DNAH11: variants seen among roughly 807,000 people sequenced by gnomAD.
DNAH11 encodes the protein dynein axonemal heavy chain 11.
DNAH11 carries 442 observed loss-of-function variants against 526.0 expected under a neutral mutation model. That is an observed-to-expected ratio of 0.84 (90% confidence interval 0.78 to 0.91). The LOEUF (loss-of-function observed/expected upper bound fraction) is 0.91, where lower values mean the gene tolerates loss of function less well. Ranked by LOEUF, DNAH11 falls within the 40% of genes least tolerant of loss-of-function variation. The pLI is 0.00. For synonymous variants in DNAH11, 2,461 were observed against 1,935.9 expected (o/e 1.27, Z -7.12); for missense variants, 6,989 against 5,448.7 (o/e 1.28, Z -8.90).
intron 66 of DNAH11, among the ~76,000 whole-genome samples, chr7:21,847,659 G>C (rs994868198): frequency 6.6e-6 from 1 of 152,180 alleles, no homozygotes; most frequent in African/African-American, 2.4e-5. Context: ...GGATGAAGTA[G>C]TCTGTCAGTG....
rs1263048533 is a variant in DNAH11 at position 21,658,959 on chromosome 7, A to G, written c.5256A>G (p.Thr1752=). The part of the protein sequence containing the change: ...ALTSSQIWWT[T]DVGIAFSRLE... ...CCAGCTCACAAATATGGTGGACCAC[A>G]GATGTAGGAATAGCCTTCAGTAGAC... The change falls in exon 30 of 82, where the codon ACA becomes ACG. Residue 1752 remains threonine (T), a synonymous_variant. Coordinates refer to ENST00000409508, the MANE Select transcript of DNAH11 (RefSeq NM_001277115.2). The G allele has an allele frequency of 6.2e-7, 1 of 1,610,870 alleles. No homozygotes were observed. The highest frequency in any genetic ancestry group is 8.5e-7 in the Non-Finnish European group (1 of 1,178,686).
Position 21,901,452 on chromosome 7 carries a change from G to GTAATCCCAGTTAC in DNAH11, c.*200_*212dup, listed in dbSNP as rs1230674314. 1 of 628,294 alleles carries GTAATCCCAGTTAC rather than the reference G, an allele frequency of 1.6e-6. No homozygotes were observed. Among genetic ancestry groups the GTAATCCCAGTTAC allele is most frequent in the Non-Finnish European group, 2.3e-6 (1 of 438,592 alleles). 38.9% of individuals were successfully genotyped at this position (628,294 alleles called of 1,614,324 possible). A position where few individuals can be genotyped will look rare whatever the true frequency, so the allele number is the denominator to read the frequency against. The stretch of plus-strand genomic sequence containing the variant: ...GGGCTGAGCGTGGTGGCACACGACT[G>GTAATCCCAGTTAC]TAATCCCAGTTACTCAGGAGGTAGG... On this transcript the variant is annotated 3_prime_UTR_variant, in exon 82 of 82. Transcript: ENST00000409508.
chr7:21,820,274 T>A (rs925816879), intron 65 of DNAH11, among the ~76,000 whole-genome samples: 19 of 152,180 alleles, frequency 1.2e-4, no homozygotes, highest in African/African-American at 4.6e-4. Flanking sequence ...TTGAGGAAGC[T>A]ACACTTCCAT....
chr7:21,585,920 C>CA (rs1784466258), intron 9 of DNAH11, among the ~76,000 whole-genome samples: 1 of 152,080 alleles, frequency 6.6e-6, no homozygotes, highest in Non-Finnish European at 1.5e-5. Flanking sequence ...GTCTTGAAGT[C>CA]AATGTGAAAG....
intron 56 of DNAH11, among the ~76,000 whole-genome samples, chr7:21,777,068 C>A (rs1787704473): frequency 6.6e-6 from 1 of 152,032 alleles, no homozygotes; most frequent in Non-Finnish European, 1.5e-5. Context: ...CATTTTATAA[C>A]CACACCTACG....
rs548912257 is a variant in DNAH11, at chr7:21,656,084, G to T, written c.5094+103G>T. Reference sequence around the variant, plus strand: ...AAAAATTCAACCCAGGTCAAATCAGGCTCTGCTTAGTTTTGTGCTCGGAGG... The same window carrying T: ...AAAAATTCAACCCAGGTCAAATCAGTCTCTGCTTAGTTTTGTGCTCGGAGG... On this transcript the variant is annotated intron_variant, in intron 29 of 81. Transcript: ENST00000409508. The T allele has an allele frequency of 1.1e-5, 15 of 1,330,492 alleles. No homozygotes were observed. In the African/African-American group the frequency reaches 1.5e-4, roughly 13 times the overall value. 82.4% of individuals were successfully genotyped at this position (1,330,492 alleles called of 1,614,324 possible). A position where few individuals can be genotyped will look rare whatever the true frequency, so the allele number is the denominator to read the frequency against.
chr7:21,684,426 C>G (rs905137308), intron 32 of DNAH11, among the ~76,000 whole-genome samples: 10 of 152,142 alleles, frequency 6.6e-5, no homozygotes, highest in African/African-American at 2.4e-4. Context: ...ACAGAGATTA[C>G]TTTCTAGTAA....
At chr7:21,645,918 C>T (rs1019071519) in intron 28 of DNAH11, among the ~76,000 whole-genome samples, 34 of 151,884 alleles carry the variant, frequency 2.2e-4, no homozygotes, top group African/African-American at 7.7e-4. Flanking sequence ...CACTGAAGTC[C>T]TAACTATAAA....
chr7:21,638,363 A>G (rs905382080), intron 27 of DNAH11, among the ~76,000 whole-genome samples: 1 of 152,182 alleles, frequency 6.6e-6, no homozygotes, highest in Non-Finnish European at 1.5e-5. Context: ...GGCGAAGTTA[A>G]TTATTTCAGT....
Position 21,772,843 on chromosome 7 carries a change from C to G in DNAH11, c.9103-923C>G, listed in dbSNP as rs149186893. On this transcript the variant is annotated intron_variant, in intron 55 of 81. Transcript: ENST00000409508. The stretch of plus-strand genomic sequence containing the variant: ...TTTTTCACCAAGAATTGGCTGGTCT[C>G]TCTTCACACCTCTGCTTGTAATATT... 4.3e-3 allele frequency among the ~76,000 whole-genome samples: 656 copies of G among 152,280 alleles called. 3 individuals carry two copies. Among genetic ancestry groups the G allele is most frequent in the Non-Finnish European group, 7.9e-3 (537 of 68,022 alleles).
chr7:21,657,642 C>T (rs1465863190), intron 29 of DNAH11, among the ~76,000 whole-genome samples: 2 of 152,154 alleles, frequency 1.3e-5, no homozygotes, highest in Non-Finnish European at 2.9e-5. Flanking sequence ...GAACTTGTTG[C>T]TTGATGACCT....
intron 25 of DNAH11, among the ~76,000 whole-genome samples, chr7:21,629,493 A>G (rs530758748): frequency 2.5e-4 from 38 of 152,214 alleles, no homozygotes; most frequent in African/African-American, 9.1e-4. Context: ...GTCCATTTCT[A>G]AGAATGGGGC....
intron 6 of DNAH11, among the ~76,000 whole-genome samples, chr7:21,565,424 A>T (rs1039111614): frequency 1.2e-4 from 18 of 152,234 alleles, no homozygotes; most frequent in African/African-American, 4.3e-4. Context: ...TATTTTTCAA[A>T]TGAATTAACC....
intron 28 of DNAH11, among the ~76,000 whole-genome samples, chr7:21,643,678 G>C (rs1787223620): frequency 6.6e-6 from 1 of 152,208 alleles, no homozygotes; most frequent in Non-Finnish European, 1.5e-5. Flanking sequence ...ACTTGGGTGA[G>C]TGAATCTACC....
intron 56 of DNAH11, among the ~76,000 whole-genome samples, chr7:21,774,520 C>A (rs1273222662): frequency 1.3e-5 from 2 of 152,198 alleles, no homozygotes; most frequent in African/African-American, 2.4e-5. Flanking sequence ...CTCTAACTTG[C>A]AGGAGTAAAT....
chr7:21,868,858 C>T lies in DNAH11; in HGVS notation c.11840-6C>T. On this transcript the variant is annotated splice_region_variant and splice_polypyrimidine_tract_variant and intron_variant, in intron 72 of 81. Transcript: ENST00000409508. ...TTTCCTCTCACCGTGGTGTATTCTCCCACAGGCAAAAGACTTGGCTTTACA... is the reference window on the plus strand; with the variant it reads ...TTTCCTCTCACCGTGGTGTATTCTCTCACAGGCAAAAGACTTGGCTTTACA... 6.2e-7 allele frequency: 1 copy of T among 1,613,944 alleles called. No homozygotes were observed. The highest frequency in any genetic ancestry group is 8.5e-7 in the Non-Finnish European group (1 of 1,179,862).
chr7:21,676,683 G>T (rs1041731190), intron 30 of DNAH11, among the ~76,000 whole-genome samples: 2 of 152,162 alleles, frequency 1.3e-5, no homozygotes, highest in Admixed American at 1.3e-4. Context: ...GGAGGCTCAG[G>T]CAAGACAATG....
At chr7:21,861,664 A>G (rs1241102849) in intron 68 of DNAH11, among the ~76,000 whole-genome samples, 189 bp from the exon 69 acceptor site, 1 of 152,262 alleles carries the variant, frequency 6.6e-6, no homozygotes, top group Non-Finnish European at 1.5e-5. Flanking sequence ...AATCATATTC[A>G]TAATAACAGT....
At chr7:21,703,978 T>A (rs901268199) in intron 37 of DNAH11, among the ~76,000 whole-genome samples, 2 of 152,218 alleles carry the variant, frequency 1.3e-5, no homozygotes, top group Admixed American at 1.3e-4. Flanking sequence ...TCCTGACGTT[T>A]GAGTTACTGC....
Sources: gnomAD v4.1 joint callset for allele counts (sites outside exome capture counted in the v4.1 genomes callset) on GRCh38, gnomAD v4.1.1 for gene constraint, MANE v1.5 for transcripts, NCBI Gene and HGNC (gene_info 2026-07-23, HGNC 2026-07-21) for gene names.